The following CFAP99 variants were observed in gnomAD, a reference collection of about 807,000 sequenced individuals.
CFAP99 encodes the protein cilia- and flagella-associated protein 99.
CFAP99 carries 84 observed loss-of-function variants against 82.7 expected under a neutral mutation model. The ratio of observed to expected loss-of-function variants is 1.02; its 90% CI spans 0.85 to 1.22. The LOEUF (loss-of-function observed/expected upper bound fraction) is 1.22, where lower values mean the gene tolerates loss of function less well. Ranked by LOEUF, CFAP99 falls within the 50% of genes most tolerant of loss-of-function variation. CFAP99 has a pLI of 0.00. For synonymous variants in CFAP99, 456 were observed against 429.5 expected (o/e 1.06, Z -0.76); for missense variants, 1,059 against 983.5 (o/e 1.08, Z -1.03).
At chr4:2,425,176 C>G (rs756935335) in intron 1 of CFAP99, among the ~76,000 whole-genome samples, 1 of 152,238 alleles carries the variant, frequency 6.6e-6, no homozygotes, top group Non-Finnish European at 1.5e-5. Flanking sequence ...CTCCTCTTCT[C>G]TTGCATGGCA....
chr4:2,443,058 G>A (rs1734085251), intron 4 of CFAP99, 72 bp from the exon 5 acceptor site: 2 of 837,666 alleles, frequency 2.4e-6, no homozygotes, highest in African/African-American at 1.7e-5. Context: ...CTCACTGGGG[G>A]TGCTGGGGAC....
At chr4:2,458,731 G>C in exon 12 of CFAP99, 1 of 1,533,936 alleles carries the variant, frequency 6.5e-7, no homozygotes, top group Non-Finnish European at 8.7e-7. Flanking sequence ...AGATGGCCAA[G>C]CTGATGCTGC....
chr4:2,462,497 G>C lies in CFAP99; in HGVS notation c.1716G>C (p.Glu572Asp), dbSNP rs1252619646. The C allele has an allele frequency of 6.8e-7, 1 of 1,477,750 alleles. No homozygotes were observed. The highest frequency in any genetic ancestry group is 1.5e-5 in the African/African-American group (1 of 68,072). 91.5% of individuals were successfully genotyped at this position (1,477,750 alleles called of 1,614,324 possible). ...CCCCGGCGGCGCCCTCGCAGGACGA[G>C]CGCGTGCAGCAGCTGCGGCGCAGGA... The change falls in exon 15 of 15, where the codon GAG becomes GAC. Residue 572 changes from glutamate (E) to aspartate (D), a missense_variant. Glu to Asp is a conservative substitution (Grantham distance 45). Transcript: ENST00000635017. The surrounding 1 kb of genome is among the most constrained non-coding windows in gnomAD (Gnocchi z 4.1).
intron 11 of CFAP99, among the ~76,000 whole-genome samples, chr4:2,453,619 A>G (rs1343520961): frequency 1.3e-5 from 2 of 151,118 alleles, no homozygotes; most frequent in South Asian, 2.1e-4. Flanking sequence ...TCATTTATTT[A>G]TCAGTGAATT....
intron 4 of CFAP99, among the ~76,000 whole-genome samples, chr4:2,442,055 G>C (rs1734054472): frequency 6.6e-6 from 1 of 152,158 alleles, no homozygotes; most frequent in African/African-American, 2.4e-5. Context: ...GTTCCGGGTA[G>C]GGCTGTCCCA....
At chr4:2,437,988 T>C in intron 3 of CFAP99, 82 bp from the exon 4 acceptor site, 1 of 789,290 alleles carries the variant, frequency 1.3e-6, no homozygotes. Context: ...CCTGACACGG[T>C]GGAGGCCTTC....
exon 6 of CFAP99, chr4:2,445,148 A>T: frequency 7.2e-7 from 1 of 1,395,268 alleles, no homozygotes; most frequent in South Asian, 1.7e-5. Context: ...CCAGAGGTCC[A>T]GGAGCTGATC....
intron 14 of CFAP99, among the ~76,000 whole-genome samples, chr4:2,460,474 AT>A: frequency 6.6e-6 from 1 of 152,268 alleles, no homozygotes; most frequent in Non-Finnish European, 1.5e-5. Context: ...AGATGCAGTC[AT>A]TTTTGCACCC....
chr4:2,441,541 C>T (rs1428428489), intron 4 of CFAP99, among the ~76,000 whole-genome samples: 6 of 152,174 alleles, frequency 3.9e-5, no homozygotes, highest in East Asian at 1.9e-4. Flanking sequence ...GAATTTGGGG[C>T]GCTGGCCACA....
intron 4 of CFAP99, among the ~76,000 whole-genome samples, chr4:2,439,866 C>G (rs1052667523): frequency 6.6e-6 from 1 of 151,230 alleles, no homozygotes. Flanking sequence ...TTTTTTAAGA[C>G]GGGGTCTCGC....
chr4:2,449,908 C>T (rs1357293234), intron 7 of CFAP99, 26 bp from the exon 8 acceptor site: 14 of 1,535,960 alleles, frequency 9.1e-6, no homozygotes, highest in Non-Finnish European at 1.2e-5. Flanking sequence ...GCTGGTGGGA[C>T]TGGAGCCGCT....
intron 2 of CFAP99, among the ~76,000 whole-genome samples, chr4:2,431,447 T>A (rs1463349242): frequency 6.6e-6 from 1 of 152,114 alleles, no homozygotes; most frequent in African/African-American, 2.4e-5. Flanking sequence ...CAGATGTAAT[T>A]AAGTTAAGGA....
rs571560052 is a variant in CFAP99 at position 2,449,747 on chromosome 4, C to G, written c.720C>G (p.Ala240=). The change falls in exon 7 of 15, where the codon GCC becomes GCG. Residue 240 remains alanine (A), a synonymous_variant. Transcript: ENST00000635017. ...TCAAGAGGTACAACCGCCGAAAGGC[C>G]GAGGTGAGCTGTGTGCGACCCCTGC... 1.2e-5 allele frequency: 19 copies of G among 1,536,028 alleles called. No individual in the cohort carries two copies. In the Admixed American group the frequency reaches 3.1e-4, roughly 25 times the overall value.
chr4:2,460,879 C>T (rs1000464486), intron 14 of CFAP99, among the ~76,000 whole-genome samples: 1 of 152,184 alleles, frequency 6.6e-6, no homozygotes, highest in African/African-American at 2.4e-5. Context: ...GCTGGGACTA[C>T]AGGCACACAC....
chr4:2,454,710 C>G (rs1462281291), intron 11 of CFAP99, among the ~76,000 whole-genome samples: 5 of 150,948 alleles, frequency 3.3e-5, no homozygotes, highest in Admixed American at 2.6e-4. Flanking sequence ...CAACCTCTGC[C>G]TCCCAGGGTC....
chr4:2,458,137 C>T (rs1380467087), intron 11 of CFAP99, among the ~76,000 whole-genome samples: 1 of 152,196 alleles, frequency 6.6e-6, no homozygotes, highest in Non-Finnish European at 1.5e-5. Flanking sequence ...GCTGTGGCTG[C>T]GCGGGGAGGG....
chr4:2,459,407 C>T (rs1734523453), intron 13 of CFAP99, 149 bp downstream of exon 13: 1 of 997,486 alleles, frequency 1.0e-6, no homozygotes, highest in Non-Finnish European at 1.4e-6. Context: ...ACTCAACACC[C>T]ATGTGCCGCG....
chr4:2,441,915 C>T (rs979390195), intron 4 of CFAP99, among the ~76,000 whole-genome samples: 22 of 152,164 alleles, frequency 1.4e-4, no homozygotes, highest in South Asian at 4.1e-4. Context: ...CAGGAGGTGG[C>T]GCTCCTCACT....
chr4:2,459,052 C>G lies in CFAP99; in HGVS notation c.1304-55C>G, dbSNP rs866387797. The G allele has an allele frequency of 1.1e-5, 16 of 1,468,182 alleles. 1 individual carries two copies. The Middle Eastern group carries it at 2.3e-3, about 213-fold the overall frequency. 90.9% of individuals were successfully genotyped at this position (1,468,182 alleles called of 1,614,324 possible). A position where few individuals can be genotyped will look rare whatever the true frequency, so the allele number is the denominator to read the frequency against. ...AACCCTGGGGGAGGTGCCTTCCTGT[C>G]CAGCCCCTGCCCTGCCACCCACCAG... On this transcript the variant is annotated intron_variant, in intron 12 of 14. Coordinates refer to ENST00000635017, the Ensembl canonical transcript of CFAP99.
Sources: gnomAD v4.1 joint callset for allele counts (sites outside exome capture counted in the v4.1 genomes callset) on GRCh38, gnomAD v4.1.1 for gene constraint, Gnocchi (gnomAD v3.1) non-coding constraint, MANE v1.5 for transcripts, NCBI Gene and HGNC (gene_info 2026-07-23, HGNC 2026-07-21) for gene names.